RNF125: variants seen among roughly 807,000 people sequenced by gnomAD.
RNF125 encodes E3 ubiquitin-protein ligase RNF125.
Under a neutral mutation model 26.0 loss-of-function variants are expected in RNF125, and 21 were observed. The observed-to-expected ratio is 0.81, with a 90% CI of 0.57 to 1.16. The LOEUF (loss-of-function observed/expected upper bound fraction) is 1.16, where lower values mean the gene tolerates loss of function less well. Ranked by LOEUF, RNF125 falls within the 50% of genes most tolerant of loss-of-function variation. The probability of loss-of-function intolerance (pLI) is 0.00; values close to 1 mark genes in which losing one functional copy is unlikely to be tolerated. For missense variants in RNF125, 270 were observed against 299.4 expected, an observed-to-expected ratio of 0.90 and a Z score of 0.72; for synonymous variants, 95 against 109.2, an observed-to-expected ratio of 0.87 and a Z score of 0.81.
At chr18:32,082,455 G>A in the RNF125 span, among the ~76,000 whole-genome samples, 19 of 152,266 alleles carry the variant, frequency 1.2e-4, no homozygotes, top group South Asian at 2.7e-3. Flanking sequence ...ACCTGGGAGC[G>A]TAGATTCAGG....
chr18:32,089,180 C>A, the RNF125 span, among the ~76,000 whole-genome samples: 1 of 152,238 alleles, frequency 6.6e-6, no homozygotes, highest in Admixed American at 6.5e-5. Context: ...GAGCAATCTT[C>A]ATCAGCAAGT....
rs940264654 is a variant in RNF125 at position 32,073,092 on chromosome 18, G to A, written c.*4708G>A. ...TTTATTATTCAACTACAAAAAAATAGTGTAATGATCAGAATTTAAAATGTG... is the reference window on the plus strand; with the variant it reads ...TTTATTATTCAACTACAAAAAAATAATGTAATGATCAGAATTTAAAATGTG... On this transcript the variant is annotated 3_prime_UTR_variant, in exon 6 of 6. Transcript: ENST00000217740. 1 of 152,146 alleles carries A rather than the reference G, an allele frequency of 6.6e-6. No individual in the cohort carries two copies. Among genetic ancestry groups the A allele is most frequent in the Non-Finnish European group, 1.5e-5 (1 of 68,034 alleles). The allele number at this position is 152,146 out of a possible 1,614,324, so 9.4% of individuals were successfully genotyped here. A position where few individuals can be genotyped will look rare whatever the true frequency, so the allele number is the denominator to read the frequency against.
At chr18:32,027,735 C>T (rs2039050896) in intron 1 of RNF125, among the ~76,000 whole-genome samples, 1 of 151,980 alleles carries the variant, frequency 6.6e-6, no homozygotes, top group Non-Finnish European at 1.5e-5. Context: ...CCTAAAGATT[C>T]GATACTTTGA....
intron 1 of RNF125, among the ~76,000 whole-genome samples, chr18:32,019,793 G>T (rs2038968530): frequency 6.6e-6 from 1 of 152,170 alleles, no homozygotes; most frequent in Non-Finnish European, 1.5e-5. Context: ...CCTGCTTTAC[G>T]CACGGTCTCT....
intron 4 of RNF125, among the ~76,000 whole-genome samples, chr18:32,061,475 G>T (rs1383231493): frequency 6.6e-6 from 1 of 152,200 alleles, no homozygotes; most frequent in Non-Finnish European, 1.5e-5. Context: ...ATATGGAGCA[G>T]AGCTAGTTCC....
intron 4 of RNF125, among the ~76,000 whole-genome samples, chr18:32,063,754 A>G (rs377266475): frequency 3.9e-5 from 6 of 152,206 alleles, no homozygotes; most frequent in Admixed American, 1.3e-4. Flanking sequence ...GGAGGGAGCT[A>G]TGGATACACC....
At chr18:32,081,388 G>A in the RNF125 span, among the ~76,000 whole-genome samples, 1 of 152,084 alleles carries the variant, frequency 6.6e-6, no homozygotes, top group South Asian at 2.1e-4. Flanking sequence ...CAAAGCTCTT[G>A]GGGTTTCAAA....
At chr18:32,081,197 A>G in the RNF125 span, among the ~76,000 whole-genome samples, 1 of 151,678 alleles carries the variant, frequency 6.6e-6, no homozygotes, top group African/African-American at 2.4e-5. Flanking sequence ...ACATCTGAAA[A>G]AAAAAAAAAA....
chr18:32,037,405 T>G (rs1426275649), intron 2 of RNF125, 136 bp downstream of exon 2: 2 of 519,566 alleles, frequency 3.8e-6, no homozygotes, highest in African/African-American at 2.3e-5. Flanking sequence ...AGGTTCTCGC[T>G]CTTTCACCCA....
Position 32,069,862 on chromosome 18 carries a change from T to C in RNF125, c.*1478T>C, listed in dbSNP as rs2039517741. 6.6e-6 allele frequency: 1 copy of C among 152,236 alleles called. No homozygotes were observed. Among genetic ancestry groups the C allele is most frequent in the Admixed American group, 6.5e-5 (1 of 15,286 alleles). The allele number at this position is 152,236 out of a possible 1,614,324, so 9.4% of individuals were successfully genotyped here. On this transcript the variant is annotated 3_prime_UTR_variant, in exon 6 of 6. Transcript: ENST00000217740. ...ATAGAGTTTCCCATACTTTGTATTT[T>C]GCTGATTGCACACTCATGGCACGGT...
rs188126128 is a variant in RNF125, at chr18:32,028,257, C to G, written c.165-8859C>G. Among the ~76,000 whole-genome samples, 143 of 143,344 alleles carry G rather than the reference C, an allele frequency of 1.0e-3. 3 individuals carry two copies. Among genetic ancestry groups the G allele is most frequent in the African/African-American group, 3.6e-3 (136 of 37,940 alleles). 94.0% of individuals were successfully genotyped at this position (143,344 alleles called of 152,430 possible). A position where few individuals can be genotyped will look rare whatever the true frequency, so the allele number is the denominator to read the frequency against. On this transcript the variant is annotated intron_variant, in intron 1 of 5. Transcript: ENST00000217740. ...AGCTTGCAGTGAGCCGAGATTGCAC[C>G]ACGGCACTCCAGCCTGGGCAACAGA...
Position 32,042,270 on chromosome 18 carries a change from C to T in RNF125, c.410C>T (p.Ala137Val). Reference sequence around the variant, plus strand: ...CTACAAGAACTTGAGGAGACAGCAGCAAGGTTTGTTTCAATACAATATAGT... The same window carrying T: ...CTACAAGAACTTGAGGAGACAGCAGTAAGGTTTGTTTCAATACAATATAGT... ...GPLQELEETAARCVCPFCQRE... is the reference protein window; with the variant it reads ...GPLQELEETAVRCVCPFCQRE... Residue 137 changes from alanine (A) to valine (V), a missense_variant, in exon 3 of 6, where the codon GCA (alanine) becomes GTA (valine). By Grantham distance (64) the Ala-to-Val change is moderately conservative (BLOSUM62 0). Coordinates refer to ENST00000217740, the MANE Select transcript of RNF125 (RefSeq NM_017831.4). The T allele has an allele frequency of 6.2e-7, 1 of 1,602,238 alleles. No individual in the cohort carries two copies.
intron 1 of RNF125, among the ~76,000 whole-genome samples, chr18:32,025,664 CAAAAAAAAAAAA>C (rs34054474): frequency 1.5e-5 from 1 of 65,170 alleles, no homozygotes. Context: ...AACTCTGTCT[CAAAAAAAAAAAA>C]AAAAAAAAAA....
At chr18:32,075,783 C>A, downstream of RNF125, 1 of 504,674 alleles carries the variant, frequency 2.0e-6, no homozygotes, top group Non-Finnish European at 3.6e-6. Context: ...GCCACCTTTT[C>A]ACTGCTTAAA....
chr18:32,065,044 AAT>A (rs1420523184), intron 4 of RNF125, among the ~76,000 whole-genome samples: 1 of 152,250 alleles, frequency 6.6e-6, no homozygotes, highest in Non-Finnish European at 1.5e-5. Flanking sequence ...ATATGAAACA[AAT>A]AGTTATATTG....
At position 32,050,978 on chromosome 18, in the gene RNF125, C is replaced by T. The variant is rs544217926; in HGVS notation, c.504+5246C>T. 4.2e-3 allele frequency among the ~76,000 whole-genome samples: 619 copies of T among 146,274 alleles called. 6 individuals carry two copies. Among genetic ancestry groups the T allele is most frequent in the African/African-American group, 0.015 (573 of 38,984 alleles). ...GCTCAAGCGATCTGCTCTCCTCGGCCCCGCAAAGTGCTGGGATTACAGGCA... is the reference window on the plus strand; with the variant it reads ...GCTCAAGCGATCTGCTCTCCTCGGCTCCGCAAAGTGCTGGGATTACAGGCA... On this transcript the variant is annotated intron_variant, in intron 4 of 5. Transcript: ENST00000217740.
At chr18:32,061,913 C>T (rs1050925532) in intron 4 of RNF125, among the ~76,000 whole-genome samples, 3 of 152,242 alleles carry the variant, frequency 2.0e-5, no homozygotes, top group African/African-American at 4.8e-5. Flanking sequence ...AGAACATCAG[C>T]GAGAGGCTGA....
At chr18:32,025,440 GA>G (rs1243241685) in intron 1 of RNF125, among the ~76,000 whole-genome samples, 1 of 151,914 alleles carries the variant, frequency 6.6e-6, no homozygotes, top group African/African-American at 2.4e-5. Context: ...GAGGTGGGGG[GA>G]TCACCTGAGG....
chr18:32,041,700 G>T (rs1375264806), intron 2 of RNF125: 5 of 112,798 alleles, frequency 4.4e-5, no homozygotes, highest in South Asian at 2.6e-4. Context: ...GCGGGATCTC[G>T]GCTCACTGCA....
Sources: allele counts gnomAD v4.1 joint callset (sites outside exome capture counted in the v4.1 genomes callset), GRCh38; gene constraint gnomAD v4.1.1; transcripts MANE v1.5; gene names NCBI Gene and HGNC (gene_info 2026-07-23, HGNC 2026-07-21).